PATJ: variants seen among roughly 807,000 people sequenced by gnomAD.
PATJ encodes the protein inaD-like protein.
A neutral mutation model predicts 224.9 loss-of-function variants in PATJ; 190 were observed. That is an observed-to-expected ratio of 0.84 (90% CI 0.75 to 0.95). The LOEUF (loss-of-function observed/expected upper bound fraction) is 0.95. Ranked by LOEUF, PATJ falls within the 40% of genes least tolerant of loss-of-function variation. The pLI, the probability that PATJ is intolerant of heterozygous loss-of-function variation, is 0.00. For missense variants in PATJ, 2,121 were observed against 2,270.3 expected (o/e 0.93, Z 1.34); for synonymous variants, 769 against 820.3 (o/e 0.94, Z 1.07).
intron 26 of PATJ, among the ~76,000 whole-genome samples, chr1:61,915,587 A>G (rs1236016544): frequency 6.6e-6 from 1 of 152,000 alleles, no homozygotes; most frequent in Non-Finnish European, 1.5e-5. Flanking sequence ...TAACTTAGAA[A>G]GAAGTTATAT....
At chr1:62,149,947 C>T (rs1310582116) in intron 42 of PATJ, among the ~76,000 whole-genome samples, 1 of 152,170 alleles carries the variant, frequency 6.6e-6, no homozygotes, top group African/African-American at 2.4e-5. Context: ...CTCCCTCTTC[C>T]CCTGAAAACA....
At chr1:61,995,209 G>A (rs912089644) in intron 28 of PATJ, among the ~76,000 whole-genome samples, 2 of 152,262 alleles carry the variant, frequency 1.3e-5, no homozygotes. Flanking sequence ...TTGGGTTTCT[G>A]AGAGCAAATC....
At chr1:61,883,367 C>A (rs946270353) in intron 21 of PATJ, among the ~76,000 whole-genome samples, 11 of 152,116 alleles carry the variant, frequency 7.2e-5, no homozygotes, top group Admixed American at 5.9e-4. Context: ...AAAAAATTGG[C>A]AAAATTTCTT....
At chr1:62,052,922 A>G (rs1213015035) in intron 31 of PATJ, among the ~76,000 whole-genome samples, 1 of 152,206 alleles carries the variant, frequency 6.6e-6, no homozygotes, top group Non-Finnish European at 1.5e-5. Context: ...CTCCATAGTC[A>G]GGTTAGGGGA....
At chr1:61,890,548 G>A (rs1051225320) in intron 22 of PATJ, among the ~76,000 whole-genome samples, 13 of 152,036 alleles carry the variant, frequency 8.6e-5, no homozygotes, top group Non-Finnish European at 1.3e-4. Context: ...CCAATCTGGA[G>A]TGCAGTGATG....
At chr1:61,848,850 A>C (rs1662375294) in intron 17 of PATJ, among the ~76,000 whole-genome samples, 1 of 152,214 alleles carries the variant, frequency 6.6e-6, no homozygotes, top group Non-Finnish European at 1.5e-5. Flanking sequence ...TAATGGCCAC[A>C]TTTAAGAGTA....
chr1:62,112,810 T>A (rs1429955463), intron 34 of PATJ, among the ~76,000 whole-genome samples: 1 of 152,192 alleles, frequency 6.6e-6, no homozygotes, highest in African/African-American at 2.4e-5. Flanking sequence ...CTAACCAATG[T>A]CAGTATTTGA....
At chr1:61,960,789 G>A (rs948912666) in intron 27 of PATJ, among the ~76,000 whole-genome samples, 1 of 152,050 alleles carries the variant, frequency 6.6e-6, no homozygotes, top group African/African-American at 2.4e-5. Flanking sequence ...CTCTAGAAAT[G>A]ATAATTTTGC....
At chr1:61,843,463 G>C (rs1419983369) in intron 17 of PATJ, among the ~76,000 whole-genome samples, 1 of 152,164 alleles carries the variant, frequency 6.6e-6, no homozygotes, top group Non-Finnish European at 1.5e-5. Flanking sequence ...ATATAGGCTG[G>C]GTGTGGTGGC....
intron 27 of PATJ, among the ~76,000 whole-genome samples, chr1:61,986,621 A>G (rs974409893): frequency 1.3e-5 from 2 of 151,948 alleles, no homozygotes; most frequent in East Asian, 1.9e-4. Context: ...GGGTCTCGCT[A>G]TGTTGCCCAG....
chr1:62,154,667 AAG>A (rs751472587), intron 43 of PATJ, among the ~76,000 whole-genome samples: 3 of 151,408 alleles, frequency 2.0e-5, no homozygotes, highest in Admixed American at 6.6e-5. Context: ...AAAAAAAGAA[AAG>A]AGAGAGAGAG....
At chr1:61,997,810 GTTTTGTTTTGT>G (rs1459921053) in intron 28 of PATJ, among the ~76,000 whole-genome samples, 1 of 111,544 alleles carries the variant, frequency 9.0e-6, no homozygotes, top group Admixed American at 8.8e-5. Context: ...GTTTTGTTTT[GTTTTGTTTTGT>G]TTTAAAAAAA....
intron 29 of PATJ, among the ~76,000 whole-genome samples, chr1:62,031,200 G>A (rs937755495): frequency 2.0e-5 from 3 of 152,146 alleles, no homozygotes; most frequent in Admixed American, 2.0e-4. Context: ...CTCCTTCTCA[G>A]CATTTGTTTC....
intron 1 of PATJ, among the ~76,000 whole-genome samples, chr1:61,757,551 A>C (rs1291730987): frequency 2.0e-5 from 3 of 151,000 alleles, no homozygotes; most frequent in African/African-American, 7.3e-5. Flanking sequence ...ACACCCAGCT[A>C]ATTTTTGTGT....
intron 14 of PATJ, among the ~76,000 whole-genome samples, chr1:61,810,648 G>A (rs1243752820): frequency 2.0e-5 from 3 of 151,930 alleles, no homozygotes; most frequent in Non-Finnish European, 2.9e-5. Flanking sequence ...GGTGAGTCGA[G>A]ATCGTGCCAC....
In PATJ at chr1:62,065,989, G is replaced by C. The variant is rs137960868; in HGVS notation, c.4126-13461G>C. Among the ~76,000 whole-genome samples the C allele has an allele frequency of 2.2e-4, 33 of 152,276 alleles. No individual in the cohort carries two copies. In the East Asian group the frequency reaches 6.0e-3, roughly 28 times the overall value. ...ATAATAAGAGCCTATAATCTAAAACGTGTGTTGATTTTGTTATCTTTCAAA... is the reference window on the plus strand; with the variant it reads ...ATAATAAGAGCCTATAATCTAAAACCTGTGTTGATTTTGTTATCTTTCAAA... On this transcript the variant is annotated intron_variant, in intron 31 of 43. Coordinates refer to ENST00000642238, the MANE Select transcript of PATJ (RefSeq NM_001350145.3).
At chr1:62,140,986 G>C (rs1667443590) in intron 41 of PATJ, among the ~76,000 whole-genome samples, 1 of 151,702 alleles carries the variant, frequency 6.6e-6, no homozygotes, top group Non-Finnish European at 1.5e-5. Context: ...TGAGGTGGTG[G>C]GTGTGTTATG....
chr1:62,073,533 T>C (rs1260482724), intron 31 of PATJ, among the ~76,000 whole-genome samples: 1 of 152,166 alleles, frequency 6.6e-6, no homozygotes, highest in Non-Finnish European at 1.5e-5. Context: ...CTCAGGAGGC[T>C]GAGGCCTGAG....
rs113213279 is a variant in PATJ at position 61,977,213 on chromosome 1, G to A, written c.3671-12955G>A. Among the ~76,000 whole-genome samples the A allele has an allele frequency of 4.4e-4, 67 of 152,074 alleles. 1 individual carries two copies. Among genetic ancestry groups the A allele is most frequent in the East Asian group, 2.9e-3 (15 of 5,154 alleles). ...AGGGATTCTCCAACCTCAGCCACCC[G>A]CGGAGCTGGGATTACAGGCGTGTGC... On this transcript the variant is annotated intron_variant, in intron 27 of 43. Transcript: ENST00000642238.
Sources: gnomAD v4.1 joint callset for allele counts (sites outside exome capture counted in the v4.1 genomes callset) on GRCh38, gnomAD v4.1.1 for gene constraint, MANE v1.5 for transcripts, NCBI Gene and HGNC (gene_info 2026-07-23, HGNC 2026-07-21) for gene names.